The following ARHGDIB variants were observed in gnomAD, a reference collection of about 807,000 sequenced individuals.
The protein encoded by ARHGDIB is rho GDP-dissociation inhibitor 2.
Under a neutral mutation model 22.6 loss-of-function variants are expected in ARHGDIB, and 20 were observed. The observed-to-expected ratio is 0.88, with a 90% CI of 0.62 to 1.28. ARHGDIB has a LOEUF of 1.28. Ranked by LOEUF, ARHGDIB falls within the 50% of genes most tolerant of loss-of-function variation. The pLI is 0.00. For synonymous variants in ARHGDIB, 114 were observed against 96.1 expected (o/e 1.19, Z -1.09); for missense variants, 254 against 245.4 (o/e 1.04, Z -0.23).
rs1384791917 is a variant in ARHGDIB at position 14,942,567 on chromosome 12, G to A, written c.561C>T (p.Leu187=). The change falls in exon 6 of 6, where the codon CTC becomes CTT. Residue 187 remains leucine (L), a synonymous_variant. Transcript: ENST00000228945. ...TAATCGACAGGTTCCACTCCCAGCT[G>A]AGGTGGTCTTGCTTGTCATCGTCGG... ...FFTDDDKQDH[L]SWEWNLSIKK... 1.2e-6 allele frequency: 2 copies of A among 1,614,184 alleles called. No homozygotes were observed. Among genetic ancestry groups the A allele is most frequent in the South Asian group, 2.2e-5 (2 of 91,092 alleles).
At position 14,955,164 on chromosome 12, in the gene ARHGDIB, CAGTT is replaced by C. The variant is rs371230377; in HGVS notation, c.-12-4444_-12-4441del. Among the ~76,000 whole-genome samples, 154 of 152,246 alleles carry C rather than the reference CAGTT, an allele frequency of 1.0e-3. 2 individuals are homozygous for C. The highest frequency in any genetic ancestry group is 3.1e-3 in the African/African-American group (128 of 41,542). On this transcript the variant is annotated intron_variant, in intron 1 of 5. Coordinates refer to ENST00000228945, the MANE Select transcript of ARHGDIB (RefSeq NM_001175.7). ...ACTGAACACTTGTGAGCCAAAAACT[CAGTT>C]AGTACGGGATAAGTGCTTGGCATGC...
At position 14,942,431 on chromosome 12, in the gene ARHGDIB, C is replaced by T; in HGVS notation, c.*91G>A. On this transcript the variant is annotated 3_prime_UTR_variant, in exon 6 of 6. Transcript: ENST00000228945. ...GAAATGTGGCAGTGTTGAAGAGGGA[C>T]CCAGCTGTGGACAGGGAGGAGGGAC... 1.4e-6 allele frequency: 2 copies of T among 1,394,196 alleles called. No individual in the cohort carries two copies. Among genetic ancestry groups the T allele is most frequent in the Non-Finnish European group, 2.0e-6 (2 of 989,314 alleles). The allele number at this position is 1,394,196 out of a possible 1,614,324, so 86.4% of individuals were successfully genotyped here. A position where few individuals can be genotyped will look rare whatever the true frequency, so the allele number is the denominator to read the frequency against.
intron 5 of ARHGDIB, among the ~76,000 whole-genome samples, chr12:14,943,947 C>A (rs1329812888): frequency 6.6e-6 from 1 of 152,082 alleles, no homozygotes; most frequent in African/African-American, 2.4e-5. Context: ...ATCGGAAAGG[C>A]CAATCAATAT....
Position 14,949,869 on chromosome 12 carries a change from A to G in ARHGDIB, c.198T>C (p.Asn66=). The part of the protein sequence containing the change: ...GPVVTDPKAP[N]VVVTRLTLVC... ...CCAGGGTGAGCCGGGTGACAACGACATTGGGGGCTTTCGGATCTGCAGGAT... is the reference window on the plus strand; with the variant it reads ...CCAGGGTGAGCCGGGTGACAACGACGTTGGGGGCTTTCGGATCTGCAGGAT... Residue 66 remains asparagine (N), a synonymous_variant, in exon 3 of 6, where the codon AAT becomes AAC. Coordinates refer to ENST00000228945, the MANE Select transcript of ARHGDIB (RefSeq NM_001175.7). 2 of 1,613,412 alleles carry G rather than the reference A, an allele frequency of 1.2e-6. No individual in the cohort carries two copies. Among genetic ancestry groups the G allele is most frequent in the Non-Finnish European group, 1.7e-6 (2 of 1,179,616 alleles).
chr12:14,952,530 T>C (rs74646103), intron 1 of ARHGDIB, among the ~76,000 whole-genome samples: 1 of 152,294 alleles, frequency 6.6e-6, no homozygotes, highest in African/African-American at 2.4e-5. Context: ...ACATAGTGAC[T>C]AATGCAATTC....
intron 2 of ARHGDIB, among the ~76,000 whole-genome samples, chr12:14,950,329 T>C (rs1265039838): frequency 2.6e-5 from 4 of 152,224 alleles, no homozygotes; most frequent in African/African-American, 9.6e-5. Context: ...TGTGTGCCTA[T>C]CTCACTGCTG....
In ARHGDIB at chr12:14,949,833, A is replaced by T; in HGVS notation, c.234T>A (p.Ser78Arg). The part of the protein sequence containing the change: ...VVTRLTLVCE[S>R]APGPITMDLT... Reference sequence around the variant, plus strand: ...GGTCCATGGTGATTGGTCCCGGGGCACTCTCACAAACCAGGGTGAGCCGGG... The same window carrying T: ...GGTCCATGGTGATTGGTCCCGGGGCTCTCTCACAAACCAGGGTGAGCCGGG... The change falls in exon 3 of 6, where the codon AGT becomes AGA. Residue 78 changes from serine (S) to arginine (R), a missense_variant. Ser to Arg is a moderately radical substitution (Grantham distance 110). Coordinates refer to ENST00000228945, the MANE Select transcript of ARHGDIB (RefSeq NM_001175.7). 1.2e-6 allele frequency: 2 copies of T among 1,613,528 alleles called. 1 individual carries two copies. The highest frequency in any genetic ancestry group is 3.3e-5 in the Admixed American group (2 of 59,976).
intron 3 of ARHGDIB, among the ~76,000 whole-genome samples, chr12:14,949,337 G>A (rs1864110466): frequency 6.6e-6 from 1 of 152,182 alleles, no homozygotes; most frequent in African/African-American, 2.4e-5. Context: ...AAGAATCAGA[G>A]TTTCAAGCTA....
At chr12:14,943,965 G>T (rs1863945773) in intron 5 of ARHGDIB, among the ~76,000 whole-genome samples, 1 of 152,116 alleles carries the variant, frequency 6.6e-6, no homozygotes, top group Non-Finnish European at 1.5e-5. Flanking sequence ...TATCTTTCAG[G>T]TCAATGGTCT....
rs569364646 is a variant in ARHGDIB at position 14,960,716 on chromosome 12, C to T, written c.-13+821G>A. The stretch of plus-strand genomic sequence containing the variant: ...TGGGGTTTCACCATGTTGGTCAAGC[C>T]GGTCTTGAACTCCTGACCTCAGGTG... On this transcript the variant is annotated intron_variant, in intron 1 of 5. Coordinates refer to ENST00000228945, the MANE Select transcript of ARHGDIB (RefSeq NM_001175.7). Among the ~76,000 whole-genome samples the T allele has an allele frequency of 2.9e-4, 44 of 152,214 alleles. No homozygotes were observed. In the South Asian group the frequency reaches 7.9e-3, roughly 27 times the overall value.
chr12:14,945,456 C>T (rs960500520), intron 4 of ARHGDIB, among the ~76,000 whole-genome samples: 1 of 152,214 alleles, frequency 6.6e-6, no homozygotes, highest in African/African-American at 2.4e-5. Context: ...TTTCCCAAGC[C>T]TTTCAAAGAA....
intron 1 of ARHGDIB, among the ~76,000 whole-genome samples, chr12:14,953,496 G>C (rs1192742908): frequency 6.6e-6 from 1 of 152,188 alleles, no homozygotes; most frequent in Non-Finnish European, 1.5e-5. Context: ...TTACTCTTCA[G>C]AGTAGAGAAG....
intron 3 of ARHGDIB, chr12:14,948,815 A>C (rs1327671094): frequency 6.6e-6 from 1 of 152,372 alleles, no homozygotes; most frequent in East Asian, 1.9e-4. Context: ...AATATTAGGA[A>C]GACTCTGAGT....
intron 1 of ARHGDIB, 158 bp from the exon 2 acceptor site, chr12:14,950,882 A>ATAATAATCTAATG: frequency 1.7e-6 from 1 of 583,480 alleles, no homozygotes; most frequent in Non-Finnish European, 2.9e-6. Context: ...ATTCTATGAA[A>ATAATAATCTAATG]TAATAATCTA....
rs1013300474 is a variant in ARHGDIB, at chr12:14,942,297, T to C, written c.*225A>G. On this transcript the variant is annotated 3_prime_UTR_variant, in exon 6 of 6. Coordinates refer to ENST00000228945, the MANE Select transcript of ARHGDIB (RefSeq NM_001175.7). Reference sequence around the variant, plus strand: ...TACTGAGATGGAGACGTGGAAGATCTGGCCCTGATGGAGGATCAGAGGGAG... The same window carrying C: ...TACTGAGATGGAGACGTGGAAGATCCGGCCCTGATGGAGGATCAGAGGGAG... 7.4e-5 allele frequency: 42 copies of C among 565,542 alleles called. No individual in the cohort carries two copies. Among genetic ancestry groups the C allele is most frequent in the Non-Finnish European group, 2.9e-5 (9 of 314,894 alleles). 35.0% of individuals were successfully genotyped at this position (565,542 alleles called of 1,614,324 possible).
intron 3 of ARHGDIB, 84 bp from the exon 4 acceptor site, chr12:14,948,033 G>T: frequency 8.8e-7 from 1 of 1,142,264 alleles, no homozygotes; most frequent in Non-Finnish European, 1.3e-6. Context: ...GGAAAAATTT[G>T]TTGGGCCCAC....
At chr12:14,951,880 G>C (rs1009788322) in intron 1 of ARHGDIB, among the ~76,000 whole-genome samples, 3 of 151,920 alleles carry the variant, frequency 2.0e-5, no homozygotes, top group Non-Finnish European at 4.4e-5. Context: ...GAATTGCCCA[G>C]GTTCACACAG....
chr12:14,947,984 A>T, intron 3 of ARHGDIB, 35 bp from the exon 4 acceptor site: 1 of 1,545,572 alleles, frequency 6.5e-7, no homozygotes, highest in Non-Finnish European at 8.9e-7. Context: ...TTTATCCTCA[A>T]AAGCAGATAC....
intron 1 of ARHGDIB, 135 bp downstream of exon 1, chr12:14,961,402 A>G (rs1864408212): frequency 6.6e-6 from 1 of 152,078 alleles, no homozygotes; most frequent in East Asian, 1.9e-4. Flanking sequence ...ATTTCTTATC[A>G]TAAAGTTTGT....
Sources: allele counts gnomAD v4.1 joint callset (sites outside exome capture counted in the v4.1 genomes callset), GRCh38; gene constraint gnomAD v4.1.1; transcripts MANE v1.5; gene names NCBI Gene and HGNC (gene_info 2026-07-23, HGNC 2026-07-21).